The following UBN2 variants were observed in gnomAD, a reference collection of about 807,000 sequenced individuals.
UBN2 encodes ubinuclein 2, also known as ubinuclein-2.
In UBN2, 35 loss-of-function variants were observed where a neutral mutation model predicts 120.2. That is an observed-to-expected ratio of 0.29 (90% CI 0.22 to 0.39). The LOEUF is 0.39. Among genes scored for constraint, UBN2 ranks in the 10% least tolerant of loss-of-function variants. UBN2 has a pLI of 1.00. For missense variants in UBN2, 1,693 were observed against 1,663.2 expected, an observed-to-expected ratio of 1.02 and a Z score of -0.31; for synonymous variants, 661 against 648.7, an observed-to-expected ratio of 1.02 and a Z score of -0.29.
At position 139,258,664 on chromosome 7, in the gene UBN2, C is replaced by A. The variant is rs547224611; in HGVS notation, c.801+39C>A. The A allele has an allele frequency of 5.4e-6, 8 of 1,476,364 alleles. No individual in the cohort carries two copies. In the African/African-American group the frequency reaches 7.1e-5, roughly 13 times the overall value. The allele number at this position is 1,476,364 out of a possible 1,614,324, so 91.5% of individuals were successfully genotyped here. On this transcript the variant is annotated intron_variant, in intron 4 of 17. Coordinates refer to ENST00000473989, the MANE Select transcript of UBN2 (RefSeq NM_173569.4). ...ACATTGCAACAGTACTGAGAATGTT[C>A]AATTAATAGGATTTTTTTTAATGTT...
At chr7:139,294,705 A>G (rs982422685) in intron 17 of UBN2, among the ~76,000 whole-genome samples, 2 of 152,088 alleles carry the variant, frequency 1.3e-5, no homozygotes, top group African/African-American at 2.4e-5. Flanking sequence ...GCCAGGCCTG[A>G]TGGCGCATGC....
chr7:139,308,846 C>T (rs868187443), downstream of UBN2, among the ~76,000 whole-genome samples: 39 of 152,032 alleles, frequency 2.6e-4, no homozygotes, highest in African/African-American at 8.4e-4. Flanking sequence ...CAGAGGCGGG[C>T]GGATCACGAG....
chr7:139,290,599 A>G (rs1352558238), intron 15 of UBN2, among the ~76,000 whole-genome samples: 1 of 152,254 alleles, frequency 6.6e-6, no homozygotes, highest in Non-Finnish European at 1.5e-5. Flanking sequence ...AGATGATTTC[A>G]GCTTTGGATA....
At chr7:139,273,150 A>T (rs1797338380) in intron 9 of UBN2, 147 bp from the exon 10 acceptor site, 1 of 461,562 alleles carries the variant, frequency 2.2e-6, no homozygotes, top group Admixed American at 3.9e-5. Context: ...ACTCCTTTCA[A>T]ATTTGAAGTA....
At chr7:139,318,964 C>T in the UBN2 span, among the ~76,000 whole-genome samples, 18 of 152,262 alleles carry the variant, frequency 1.2e-4, no homozygotes, top group South Asian at 1.2e-3. Flanking sequence ...ACACTGCAGT[C>T]GAGACAGAAA....
intron 2 of UBN2, among the ~76,000 whole-genome samples, chr7:139,249,867 T>TA (rs964266246): frequency 3.5e-4 from 51 of 146,884 alleles, no homozygotes; most frequent in Middle Eastern, 3.5e-3. Context: ...CCTGGCTAAT[T>TA]AAAAAAAAAA....
At chr7:139,314,864 T>G in the UBN2 span, among the ~76,000 whole-genome samples, 1 of 152,108 alleles carries the variant, frequency 6.6e-6, no homozygotes, top group Non-Finnish European at 1.5e-5. Context: ...CATCTGACTC[T>G]TAATCAGTCT....
At chr7:139,328,362 G>A in the UBN2 span, among the ~76,000 whole-genome samples, 1 of 152,154 alleles carries the variant, frequency 6.6e-6, no homozygotes, top group African/African-American at 2.4e-5. Context: ...ATAGCAAGGG[G>A]GAGATCCACC....
Position 139,272,396 on chromosome 7 carries a change from A to G in UBN2, c.1671A>G (p.Lys557=), listed in dbSNP as rs1340737114. The change falls in exon 9 of 18, where the codon AAA becomes AAG. Residue 557 remains lysine, a synonymous_variant. Coordinates refer to ENST00000473989, the MANE Select transcript of UBN2 (RefSeq NM_173569.4). ...VSNVMPEQLF[K]YQEDCQARSQ... ...ATGTCATGCCTGAACAGCTATTTAAATACCAGGAGGACTGCCAGGCTCGTA... is the reference window on the plus strand; with the variant it reads ...ATGTCATGCCTGAACAGCTATTTAAGTACCAGGAGGACTGCCAGGCTCGTA... 6.2e-7 allele frequency: 1 copy of G among 1,613,838 alleles called. No homozygotes were observed. The highest frequency in any genetic ancestry group is 1.3e-5 in the African/African-American group (1 of 74,900).
rs1161484759 is a variant in UBN2 at position 139,289,414 on chromosome 7, C to CTTTTTTTTTTTTTTTTTTTTTTTTT, written c.3670-3802_3670-3801insTTTTTTTTTTTTTTTTTTTTTTTTT. 4.1e-4 allele frequency among the ~76,000 whole-genome samples: 52 copies of CTTTTTTTTTTTTTTTTTTTTTTTTT among 125,780 alleles called. 3 individuals carry two copies. Among genetic ancestry groups the CTTTTTTTTTTTTTTTTTTTTTTTTT allele is most frequent in the Admixed American group, 9.9e-4 (11 of 11,070 alleles). The allele number at this position is 125,780 out of a possible 152,430, so 82.5% of individuals were successfully genotyped here. On this transcript the variant is annotated intron_variant, in intron 15 of 17. Transcript: ENST00000473989. The stretch of plus-strand genomic sequence containing the variant: ...ATTGCCCTCCCTAATTTACATTTTG[C>CTTTTTTTTTTTTTTTTTTTTTTTTT]TTTTTTTTTTTTTTTTGAGACAGGG...
At chr7:139,254,493 G>A (rs1047309749) in intron 3 of UBN2, among the ~76,000 whole-genome samples, 2 of 152,194 alleles carry the variant, frequency 1.3e-5, no homozygotes, top group South Asian at 4.1e-4. Flanking sequence ...TGGTGCAGAA[G>A]TCTAGATTGT....
chr7:139,232,567 A>C (rs1796057380), intron 1 of UBN2, among the ~76,000 whole-genome samples: 1 of 152,182 alleles, frequency 6.6e-6, no homozygotes, highest in African/African-American at 2.4e-5. Flanking sequence ...TGGGTTAGTT[A>C]ATCTGGTTAC....
chr7:139,289,414 C>CTTTTTTTTTTTTTT (rs1161484759), intron 15 of UBN2, among the ~76,000 whole-genome samples: 19 of 125,834 alleles, frequency 1.5e-4, no homozygotes, highest in African/African-American at 5.0e-4. Context: ...TTACATTTTG[C>CTTTTTTTTTTTTTT]TTTTTTTTTT....
intron 7 of UBN2, among the ~76,000 whole-genome samples, chr7:139,268,496 T>TA (rs1193674361): frequency 2.6e-5 from 4 of 152,144 alleles, no homozygotes; most frequent in African/African-American, 9.7e-5. Context: ...AAAAAAGAGA[T>TA]CAATTTGTTG....
At chr7:139,294,613 G>T (rs1798057455) in intron 17 of UBN2, among the ~76,000 whole-genome samples, 1 of 152,180 alleles carries the variant, frequency 6.6e-6, no homozygotes, top group Non-Finnish European at 1.5e-5. Context: ...GGCCAGGGTG[G>T]GCAGGTCACC....
chr7:139,326,266 AAC>A, the UBN2 span, among the ~76,000 whole-genome samples: 1 of 151,950 alleles, frequency 6.6e-6, no homozygotes, highest in African/African-American at 2.4e-5. Context: ...AAAACAAACA[AAC>A]AAACAAACAA....
intron 12 of UBN2, among the ~76,000 whole-genome samples, chr7:139,278,948 C>T (rs763640616): frequency 5.3e-5 from 8 of 151,750 alleles, no homozygotes; most frequent in Non-Finnish European, 1.2e-4. Flanking sequence ...TCTTTAAAAG[C>T]TCAGGGTTTT....
At chr7:139,287,941 C>T (rs569753064) in intron 15 of UBN2, among the ~76,000 whole-genome samples, 2 of 152,250 alleles carry the variant, frequency 1.3e-5, no homozygotes, top group Admixed American at 6.5e-5. Context: ...AATGACAGGT[C>T]CTTTAACAAA....
chr7:139,288,480 G>A (rs1797852500), intron 15 of UBN2, among the ~76,000 whole-genome samples: 1 of 152,148 alleles, frequency 6.6e-6, no homozygotes, highest in Admixed American at 6.5e-5. Context: ...TGGACCATGG[G>A]GAGAGAGTGG....
Sources: allele counts gnomAD v4.1 joint callset (sites outside exome capture counted in the v4.1 genomes callset), GRCh38; gene constraint gnomAD v4.1.1; transcripts MANE v1.5; gene names NCBI Gene and HGNC (gene_info 2026-07-23, HGNC 2026-07-21).